OPHN1: variants seen among roughly 807,000 people sequenced by gnomAD.
OPHN1 encodes the protein oligophrenin-1.
Under a neutral mutation model 60.7 loss-of-function variants are expected in OPHN1, and 11 were observed. The observed-to-expected ratio is 0.18, with a 90% confidence interval of 0.11 to 0.30. The LOEUF (loss-of-function observed/expected upper bound fraction) is 0.30. OPHN1 is among the 10% of genes least tolerant of loss of function. The probability of loss-of-function intolerance (pLI) is 1.00; values close to 1 mark genes in which losing one functional copy is unlikely to be tolerated. For missense variants in OPHN1, 449 were observed against 611.0 expected, an observed-to-expected ratio of 0.73 and a Z score of 2.80; for synonymous variants, 226 against 222.6, an observed-to-expected ratio of 1.02 and a Z score of -0.14.
intron 19 of OPHN1, among the ~76,000 whole-genome samples, chrX:68,075,413 A>G (rs900341280): frequency 8.9e-6 from 1 of 112,352 alleles, no homozygotes; most frequent in Non-Finnish European, 1.9e-5. Flanking sequence ...TAAGATGTAA[A>G]TTCTCACAAA....
chrX:68,300,991 T>C (rs1382809361), intron 2 of OPHN1, among the ~76,000 whole-genome samples: 1 of 111,917 alleles, frequency 8.9e-6, no homozygotes, highest in Non-Finnish European at 1.9e-5. Context: ...ACTCTGGGCC[T>C]TTAAAACACT....
At chrX:68,184,768 G>C (rs1412138666) in intron 15 of OPHN1, among the ~76,000 whole-genome samples, 3 of 109,644 alleles carry the variant, frequency 2.7e-5, no homozygotes, top group Non-Finnish European at 5.7e-5. Flanking sequence ...GGCTAATTTT[G>C]TATTTTTAGT....
intron 2 of OPHN1, among the ~76,000 whole-genome samples, chrX:68,359,263 A>T (rs1330399868): frequency 9.0e-6 from 1 of 111,353 alleles, no homozygotes; most frequent in Admixed American, 9.7e-5. Flanking sequence ...CTGCAGAAAA[A>T]TTTGGGGTAC....
intron 5 of OPHN1, among the ~76,000 whole-genome samples, chrX:68,252,478 C>T (rs2077840946): frequency 8.9e-6 from 1 of 111,997 alleles, no homozygotes; most frequent in African/African-American, 3.2e-5. Context: ...GAGGGTTTAC[C>T]CATGAACTCA....
chrX:68,368,297 G>A (rs887680723), intron 2 of OPHN1, among the ~76,000 whole-genome samples: 4 of 111,360 alleles, frequency 3.6e-5, no homozygotes, highest in African/African-American at 1.3e-4. Flanking sequence ...TTGGGAGACC[G>A]AGGCAGAAGG....
chrX:68,051,450 A>T (rs749863594), intron 23 of OPHN1, among the ~76,000 whole-genome samples: 2 of 111,671 alleles, frequency 1.8e-5, no homozygotes, highest in Non-Finnish European at 3.8e-5. Context: ...CCCAGGCCCC[A>T]CTACTAGAGA....
intron 15 of OPHN1, among the ~76,000 whole-genome samples, chrX:68,136,291 C>CTT (rs779712280): frequency 0.04 from 2,558 of 63,780 alleles, 293 homozygotes; most frequent in African/African-American, 0.17. Context: ...AATATCTTTT[C>CTT]TTTTTTTTTT....
At chrX:68,099,261 T>C (rs958801965) in intron 18 of OPHN1, among the ~76,000 whole-genome samples, 1 of 111,784 alleles carries the variant, frequency 8.9e-6, no homozygotes, top group Admixed American at 9.6e-5. Context: ...ACAAGATGAA[T>C]GAAACCAAAA....
At chrX:68,052,181 TA>T (rs773299777) in intron 23 of OPHN1, among the ~76,000 whole-genome samples, 1 of 109,212 alleles carries the variant, frequency 9.2e-6, no homozygotes, top group African/African-American at 3.4e-5. Flanking sequence ...TCCCAGCTAC[TA>T]GGGAGGCTGA....
rs1242887677 is a variant in OPHN1 at position 68,346,759 on chromosome X, C to G, written c.155-47663G>C. 6.2e-5 allele frequency among the ~76,000 whole-genome samples: 7 copies of G among 112,090 alleles called. No homozygotes were observed. In the Admixed American group the frequency reaches 6.7e-4, roughly 11 times the overall value. ...CAGGACAGACCTCTTTCCATCAACT[C>G]TAGCTGCTTTCTGCAAAGTGTGTTT... On this transcript the variant is annotated intron_variant, in intron 2 of 24. Coordinates refer to ENST00000355520, the MANE Select transcript of OPHN1 (RefSeq NM_002547.3).
chrX:68,257,377 G>T (rs2077869157), intron 5 of OPHN1, among the ~76,000 whole-genome samples: 1 of 112,650 alleles, frequency 8.9e-6, no homozygotes, highest in South Asian at 3.7e-4. Context: ...AGGATAAAGA[G>T]AATGGACTTT....
chrX:68,347,628 T>C (rs1389613869), intron 2 of OPHN1, among the ~76,000 whole-genome samples: 2 of 111,369 alleles, frequency 1.8e-5, no homozygotes, highest in African/African-American at 6.5e-5. Context: ...AACACTCACA[T>C]ATTGATTTCT....
At chrX:68,381,133 C>T (rs1569297698) in intron 2 of OPHN1, among the ~76,000 whole-genome samples, 1 of 111,599 alleles carries the variant, frequency 9.0e-6, no homozygotes, top group African/African-American at 3.3e-5. Flanking sequence ...CTTAGGCAAT[C>T]GCAAGGATAA....
intron 15 of OPHN1, among the ~76,000 whole-genome samples, chrX:68,138,603 C>T (rs757912708): frequency 8.9e-6 from 1 of 111,879 alleles, no homozygotes; most frequent in African/African-American, 3.2e-5. Flanking sequence ...CTGGCTATAC[C>T]GTACAAGACA....
chrX:68,248,872 T>G (rs938637021), intron 5 of OPHN1, among the ~76,000 whole-genome samples: 1 of 111,760 alleles, frequency 8.9e-6, no homozygotes, highest in South Asian at 3.8e-4. Context: ...TGTTCTCACT[T>G]ATTTGTGGGA....
At chrX:68,406,349 C>T (rs753313244) in intron 2 of OPHN1, among the ~76,000 whole-genome samples, 6 of 111,198 alleles carry the variant, frequency 5.4e-5, no homozygotes, top group East Asian at 2.8e-4. Flanking sequence ...CGGTGGCTCA[C>T]GCCTGTAATC....
intron 2 of OPHN1, among the ~76,000 whole-genome samples, chrX:68,370,107 A>G (rs1450404684): frequency 9.8e-6 from 1 of 102,087 alleles, no homozygotes; most frequent in East Asian, 3.1e-4. Flanking sequence ...AGGAGAAAGT[A>G]AGACCTTCCC....
intron 2 of OPHN1, among the ~76,000 whole-genome samples, chrX:68,404,497 C>T (rs1255794234): frequency 9.0e-6 from 1 of 111,393 alleles, no homozygotes; most frequent in Non-Finnish European, 1.9e-5. Flanking sequence ...CCAGCAATCC[C>T]ACTTCTGGGT....
intron 2 of OPHN1, among the ~76,000 whole-genome samples, chrX:68,414,087 A>G (rs1194637560): frequency 1.8e-5 from 2 of 111,967 alleles, no homozygotes; most frequent in East Asian, 5.6e-4. Flanking sequence ...ATTCATTCAA[A>G]TAAAATACTT....
Sources: allele counts gnomAD v4.1 joint callset (sites outside exome capture counted in the v4.1 genomes callset), GRCh38; gene constraint gnomAD v4.1.1; transcripts MANE v1.5; gene names NCBI Gene and HGNC (gene_info 2026-07-23, HGNC 2026-07-21).